The following AGBL4 variants were observed in gnomAD, a reference collection of about 807,000 sequenced individuals.
The protein encoded by AGBL4 is cytosolic carboxypeptidase 6.
AGBL4 carries 58 observed loss-of-function variants against 66.4 expected under a neutral mutation model. The ratio of observed to expected loss-of-function variants is 0.87; its 90% CI spans 0.71 to 1.09. The LOEUF (loss-of-function observed/expected upper bound fraction) is 1.09, where lower values mean the gene tolerates loss of function less well. AGBL4 is among the 50% of genes least tolerant of loss of function. AGBL4 has a pLI of 0.00. For synonymous variants in AGBL4, 234 were observed against 222.9 expected (o/e 1.05, Z -0.44); for missense variants, 579 against 631.0 (o/e 0.92, Z 0.88).
At chr1:48,831,321 A>G (rs934700832) in intron 6 of AGBL4, among the ~76,000 whole-genome samples, 1 of 152,016 alleles carries the variant, frequency 6.6e-6, no homozygotes, top group African/African-American at 2.4e-5. Flanking sequence ...CCTCCCTCCT[A>G]CTGGGGCCCA....
At position 49,286,821 on chromosome 1, in the gene AGBL4, C is replaced by G. The variant is rs1270072068; in HGVS notation, c.283-40957G>C. Reference sequence around the variant, plus strand: ...TTTACAGATTCAATGCCATCCCCATCAAGCTACCAATGACTTTCTTCACAG... The same window carrying G: ...TTTACAGATTCAATGCCATCCCCATGAAGCTACCAATGACTTTCTTCACAG... On this transcript the variant is annotated intron_variant, in intron 3 of 13. Transcript: ENST00000371839. Among the ~76,000 whole-genome samples the G allele has an allele frequency of 2.0e-5, 3 of 152,280 alleles. No individual in the cohort carries two copies. The East Asian group carries it at 5.8e-4, about 29-fold the overall frequency.
Position 48,534,154 on chromosome 1 carries a change from C to A in AGBL4, c.*19G>T. The A allele has an allele frequency of 1.3e-6, 2 of 1,551,404 alleles. No homozygotes were observed. On this transcript the variant is annotated 3_prime_UTR_variant, in exon 14 of 14. Transcript: ENST00000371839. Reference sequence around the variant, plus strand: ...ATGCATGCTCCTGTCCCCATAAGACCTCCCAGGACTCCGTGTCTTTAAAAA... The same window carrying A: ...ATGCATGCTCCTGTCCCCATAAGACATCCCAGGACTCCGTGTCTTTAAAAA...
At chr1:49,058,146 A>C (rs1367440730) in intron 4 of AGBL4, among the ~76,000 whole-genome samples, 2 of 152,188 alleles carry the variant, frequency 1.3e-5, no homozygotes, top group Non-Finnish European at 2.9e-5. Flanking sequence ...ACAGTGCAGA[A>C]TCCTGCAAAA....
chr1:49,121,915 G>A lies in AGBL4; in HGVS notation c.378-76115C>T, dbSNP rs1282417014. Among the ~76,000 whole-genome samples the A allele has an allele frequency of 9.2e-5, 14 of 152,226 alleles. No individual in the cohort carries two copies. The East Asian group carries it at 2.7e-3, about 29-fold the overall frequency. Reference sequence around the variant, plus strand: ...GTTTACCTACTCAAACCTCAGCAATGTCAGACGCCCCTCCCCAAGCCAGGC... The same window carrying A: ...GTTTACCTACTCAAACCTCAGCAATATCAGACGCCCCTCCCCAAGCCAGGC... On this transcript the variant is annotated intron_variant, in intron 4 of 13. Transcript: ENST00000371839.
chr1:49,568,477 A>C (rs1214425377), intron 3 of AGBL4, among the ~76,000 whole-genome samples: 4 of 133,980 alleles, frequency 3.0e-5, no homozygotes, highest in African/African-American at 5.9e-5. Context: ...CTGCTCAAAG[A>C]AATAAGTGAT....
intron 4 of AGBL4, among the ~76,000 whole-genome samples, chr1:49,171,448 A>G (rs545095537): frequency 6.6e-6 from 1 of 152,322 alleles, no homozygotes; most frequent in Admixed American, 6.5e-5. Context: ...TTCAGTTCCA[A>G]ATGGGTTTAG....
the AGBL4 span, among the ~76,000 whole-genome samples, chr1:48,526,929 A>G: frequency 6.6e-6 from 1 of 152,148 alleles, no homozygotes; most frequent in Non-Finnish European, 1.5e-5. Flanking sequence ...GGCCATGAAG[A>G]TCATCCAGGA....
intron 6 of AGBL4, among the ~76,000 whole-genome samples, chr1:48,749,673 A>G (rs1483666007): frequency 6.6e-6 from 1 of 152,102 alleles, no homozygotes; most frequent in Non-Finnish European, 1.5e-5. Context: ...CACAATCATG[A>G]GGGGTGCGGT....
intron 6 of AGBL4, among the ~76,000 whole-genome samples, chr1:48,768,903 A>G (rs916433071): frequency 6.6e-6 from 1 of 152,224 alleles, no homozygotes. Context: ...GTTTGTTTTT[A>G]TAAAATCCAA....
At chr1:49,183,582 T>C (rs1646965867) in intron 4 of AGBL4, among the ~76,000 whole-genome samples, 1 of 152,156 alleles carries the variant, frequency 6.6e-6, no homozygotes, top group Non-Finnish European at 1.5e-5. Flanking sequence ...TCATCATCTA[T>C]GAGGTGAAGT....
chr1:48,966,307 A>AATTT (rs1157306295), intron 5 of AGBL4, among the ~76,000 whole-genome samples: 1 of 152,158 alleles, frequency 6.6e-6, no homozygotes, highest in Non-Finnish European at 1.5e-5. Flanking sequence ...GTTTTAAATA[A>AATTT]AAGTCTTAAA....
chr1:49,102,638 T>C (rs1366773827), intron 4 of AGBL4, among the ~76,000 whole-genome samples: 1 of 152,198 alleles, frequency 6.6e-6, no homozygotes, highest in East Asian at 1.9e-4. Context: ...GATCTTAGTA[T>C]CTGTTGAATC....
intron 11 of AGBL4, among the ~76,000 whole-genome samples, chr1:48,551,319 G>C (rs1644245263): frequency 6.6e-6 from 1 of 152,196 alleles, no homozygotes; most frequent in Non-Finnish European, 1.5e-5. Context: ...CTGAGCCTTA[G>C]TGTCCTCATC....
chr1:49,555,496 GC>G (rs1426151500), intron 3 of AGBL4, among the ~76,000 whole-genome samples: 3 of 147,848 alleles, frequency 2.0e-5, no homozygotes, highest in Non-Finnish European at 4.5e-5. Context: ...TTTGTGTCTA[GC>G]TTTTGTGTCT....
chr1:48,612,260 A>G (rs558336495), intron 9 of AGBL4, among the ~76,000 whole-genome samples: 2 of 152,406 alleles, frequency 1.3e-5, no homozygotes, highest in South Asian at 4.1e-4. Flanking sequence ...AAAGAAATTA[A>G]TAAGCCCAAT....
At chr1:49,918,243 A>G (rs1651786412) in intron 1 of AGBL4, among the ~76,000 whole-genome samples, 1 of 152,222 alleles carries the variant, frequency 6.6e-6, no homozygotes, top group Non-Finnish European at 1.5e-5. Context: ...TCAGAGCAGC[A>G]CTGAAGGAGA....
intron 1 of AGBL4, among the ~76,000 whole-genome samples, chr1:49,967,908 A>G (rs1455528423): frequency 6.6e-6 from 1 of 152,040 alleles, no homozygotes; most frequent in African/African-American, 2.4e-5. Flanking sequence ...TTTCAAGAAC[A>G]TGGGATATAC....
At chr1:49,530,259 T>TACAAAAAAAAAAAAAAAAAAAAAAAAA (rs1650993637) in intron 3 of AGBL4, among the ~76,000 whole-genome samples, 1 of 75,984 alleles carries the variant, frequency 1.3e-5, no homozygotes, top group African/African-American at 6.1e-5. Context: ...GTAGAATTTG[T>TACAAAAAAAAAAAAAAAAAAAAAAAAA]AAAAAAAAAA....
chr1:48,955,087 T>C (rs111822617), intron 5 of AGBL4, among the ~76,000 whole-genome samples: 28 of 152,316 alleles, frequency 1.8e-4, no homozygotes, highest in Non-Finnish European at 3.2e-4. Flanking sequence ...ACTGTTTGTC[T>C]GTAGAGCTAT....
Sources: gnomAD v4.1 joint callset for allele counts (sites outside exome capture counted in the v4.1 genomes callset) on GRCh38, gnomAD v4.1.1 for gene constraint, MANE v1.5 for transcripts, NCBI Gene and HGNC (gene_info 2026-07-23, HGNC 2026-07-21) for gene names.